SEC24D: variants seen among roughly 807,000 people sequenced by gnomAD.
SEC24D encodes the protein protein transport protein Sec24D.
SEC24D carries 69 observed loss-of-function variants against 116.9 expected under a neutral mutation model. The ratio of observed to expected loss-of-function variants is 0.59; its 90% CI spans 0.49 to 0.72. The LOEUF (loss-of-function observed/expected upper bound fraction) is 0.72, where lower values mean the gene tolerates loss of function less well. Among genes scored for constraint, SEC24D ranks in the 30% least tolerant of loss-of-function variants. The pLI is 0.00. For missense variants in SEC24D, 1,131 were observed against 1,264.1 expected (o/e 0.89, Z 1.60); for synonymous variants, 405 against 442.8 (o/e 0.91, Z 1.07).
chr4:118,783,610 T>C (rs1020497327), intron 8 of SEC24D, among the ~76,000 whole-genome samples: 6 of 152,182 alleles, frequency 3.9e-5, no homozygotes, highest in African/African-American at 1.4e-4. Flanking sequence ...TGGTCATAGT[T>C]TATAAATTAT....
intron 3 of SEC24D, among the ~76,000 whole-genome samples, chr4:118,819,530 C>CA (rs373794417): frequency 0.39 from 23,444 of 59,846 alleles, 4,824 homozygotes; most frequent in Admixed American, 0.49. Flanking sequence ...GACCCCGTCT[C>CA]AAAAAAAAAA....
rs539261806 is a variant in SEC24D at position 118,754,949 on chromosome 4, C to A, written c.1422-2061G>T. Among the ~76,000 whole-genome samples the A allele has an allele frequency of 4.5e-4, 69 of 152,158 alleles. 2 individuals are homozygous for A. The South Asian group carries it at 0.014, about 30-fold the overall frequency. On this transcript the variant is annotated intron_variant, in intron 11 of 22. Coordinates refer to ENST00000280551, the MANE Select transcript of SEC24D (RefSeq NM_014822.4). ...TAAGGCAAAATACATAAAAGAAAAT[C>A]TACAGAGGAAAAACTAGATTACTAT...
At chr4:118,803,857 T>C (rs950202850) in intron 7 of SEC24D, among the ~76,000 whole-genome samples, 5 of 152,180 alleles carry the variant, frequency 3.3e-5, no homozygotes, top group Non-Finnish European at 1.5e-5. Context: ...CCATATAAAG[T>C]GGTTAGAAAA....
intron 15 of SEC24D, among the ~76,000 whole-genome samples, chr4:118,742,028 C>G (rs991212439): frequency 2.0e-5 from 3 of 152,164 alleles, no homozygotes; most frequent in African/African-American, 7.2e-5. Context: ...TTACATCTTA[C>G]TGGCTTTTCC....
At position 118,789,639 on chromosome 4, in the gene SEC24D, C is replaced by T. The variant is rs1204147485; in HGVS notation, c.1041+8044G>A. The stretch of plus-strand genomic sequence containing the variant: ...TTACTCTGTCACTTAAGCTAGAGCG[C>T]AGTGGCGCAACCTTAGCTCACTGCA... On this transcript the variant is annotated intron_variant, in intron 8 of 22. Coordinates refer to ENST00000280551, the MANE Select transcript of SEC24D (RefSeq NM_014822.4). Among the ~76,000 whole-genome samples the T allele has an allele frequency of 2.0e-5, 3 of 152,214 alleles. No homozygotes were observed. In the South Asian group the frequency reaches 6.2e-4, roughly 31 times the overall value.
chr4:118,784,551 T>C (rs887550862), intron 8 of SEC24D, among the ~76,000 whole-genome samples: 2 of 152,226 alleles, frequency 1.3e-5, no homozygotes, highest in Non-Finnish European at 2.9e-5. Context: ...ATCTTTGTGG[T>C]AGATGAACTC....
chr4:118,725,549 T>G (rs998565868), intron 22 of SEC24D, among the ~76,000 whole-genome samples: 1 of 152,016 alleles, frequency 6.6e-6, no homozygotes, highest in Non-Finnish European at 1.5e-5. Flanking sequence ...ACTTTCTTTA[T>G]GGAAATTAAT....
chr4:118,797,896 G>A lies in SEC24D; in HGVS notation c.914-86C>T, dbSNP rs1266006644. 16 of 1,037,884 alleles carry A rather than the reference G, an allele frequency of 1.5e-5. No homozygotes were observed. The African/African-American group carries it at 1.9e-4, about 12-fold the overall frequency. 64.3% of individuals were successfully genotyped at this position (1,037,884 alleles called of 1,614,324 possible). The stretch of plus-strand genomic sequence containing the variant: ...TCAAATATTTATAAAGGTACTTCTA[G>A]ATAATGCATTGCATTATTTCTTATT... On this transcript the variant is annotated intron_variant, in intron 7 of 22. Transcript: ENST00000280551.
chr4:118,792,467 A>G (rs971242807), intron 8 of SEC24D, among the ~76,000 whole-genome samples: 9 of 152,250 alleles, frequency 5.9e-5, no homozygotes, highest in Non-Finnish European at 1.3e-4. Context: ...AAATGTGGGG[A>G]AAAGAAAGAG....
intron 3 of SEC24D, among the ~76,000 whole-genome samples, chr4:118,821,380 A>AT (rs1294826819): frequency 1.3e-5 from 2 of 152,284 alleles, no homozygotes; most frequent in African/African-American, 4.8e-5. Flanking sequence ...AAAAACACTG[A>AT]TTTTTAGGTT....
intron 8 of SEC24D, among the ~76,000 whole-genome samples, chr4:118,773,371 T>C (rs1727995789): frequency 6.6e-6 from 1 of 152,236 alleles, no homozygotes; most frequent in African/African-American, 2.4e-5. Flanking sequence ...TACAGTTTTC[T>C]AGCCTGATTA....
chr4:118,815,238 T>C, intron 5 of SEC24D, 83 bp from the exon 6 acceptor site: 1 of 1,503,798 alleles, frequency 6.6e-7, no homozygotes, highest in Non-Finnish European at 9.1e-7. Flanking sequence ...TGCTGTTCAG[T>C]CAAGCATGTT....
intron 9 of SEC24D, 34 bp downstream of exon 9, chr4:118,768,139 A>G (rs1176561672): frequency 6.3e-7 from 1 of 1,586,394 alleles, no homozygotes; most frequent in African/African-American, 1.4e-5. Flanking sequence ...GTTAATAAAG[A>G]ATTTCACAAA....
chr4:118,813,864 A>C (rs1018999202), intron 6 of SEC24D, among the ~76,000 whole-genome samples: 1 of 152,044 alleles, frequency 6.6e-6, no homozygotes, highest in Non-Finnish European at 1.5e-5. Context: ...AACCATCCAC[A>C]CTCTAGCCAA....
rs112865095 is a variant in SEC24D at position 118,768,315 on chromosome 4, T to C, written c.1042-4A>G. 2 of 1,607,512 alleles carry C rather than the reference T, an allele frequency of 1.2e-6. No homozygotes were observed. The highest frequency in any genetic ancestry group is 1.7e-6 in the Non-Finnish European group (2 of 1,178,276). On this transcript the variant is annotated splice_region_variant and splice_polypyrimidine_tract_variant and intron_variant, in intron 8 of 22. Coordinates refer to ENST00000280551, the MANE Select transcript of SEC24D (RefSeq NM_014822.4). The stretch of plus-strand genomic sequence containing the variant: ...GATTTACCAAGTAAAGGGGACTCTA[T>C]GGAGAAGCAAGAAAAATTAAATGAA...
chr4:118,814,202 CTTTG>C (rs765619631), intron 6 of SEC24D, among the ~76,000 whole-genome samples: 5 of 152,186 alleles, frequency 3.3e-5, no homozygotes, highest in Non-Finnish European at 7.3e-5. Context: ...TGACATTGGG[CTTTG>C]TTTTATGACT....
chr4:118,769,636 T>C (rs1727804654), intron 8 of SEC24D: 1 of 152,060 alleles, frequency 6.6e-6, no homozygotes, highest in African/African-American at 2.4e-5. Flanking sequence ...CAGAAATCAT[T>C]TGGGAGGTCT....
At chr4:118,772,203 G>A (rs1727934007) in intron 8 of SEC24D, among the ~76,000 whole-genome samples, 1 of 152,142 alleles carries the variant, frequency 6.6e-6, no homozygotes. Flanking sequence ...GTAATGAATT[G>A]CAATGAGGAA....
intron 8 of SEC24D, among the ~76,000 whole-genome samples, chr4:118,771,113 A>C (rs1480444268): frequency 6.6e-6 from 1 of 152,186 alleles, no homozygotes; most frequent in Non-Finnish European, 1.5e-5. Context: ...CACAGTGTGC[A>C]TGAGCTCATA....
Sources: allele counts gnomAD v4.1 joint callset (sites outside exome capture counted in the v4.1 genomes callset), GRCh38; gene constraint gnomAD v4.1.1; transcripts MANE v1.5; gene names NCBI Gene and HGNC (gene_info 2026-07-23, HGNC 2026-07-21).